Variants in ADAMTS16 observed in about 807,000 individuals in gnomAD.
The protein encoded by ADAMTS16 is ADAM metallopeptidase with thrombospondin type 1 motif 16.
In ADAMTS16, 94 loss-of-function variants were observed where a neutral mutation model predicts 145.8. That is an observed-to-expected ratio of 0.64 (90% CI 0.55 to 0.77). The LOEUF is 0.77. ADAMTS16 is among the 30% of genes least tolerant of loss of function. The pLI is 0.00. For synonymous variants in ADAMTS16, 659 were observed against 604.3 expected (o/e 1.09, Z -1.33); for missense variants, 1,585 against 1,591.5 (o/e 1.00, Z 0.07).
intron 18 of ADAMTS16, among the ~76,000 whole-genome samples, chr5:5,277,423 T>A (rs1738744058): frequency 6.6e-6 from 1 of 152,156 alleles, no homozygotes; most frequent in Non-Finnish European, 1.5e-5. Flanking sequence ...GGGCGCTTGC[T>A]CACCAGGCTG....
At chr5:5,144,281 G>A (rs1270072408) in intron 2 of ADAMTS16, among the ~76,000 whole-genome samples, 3 of 152,074 alleles carry the variant, frequency 2.0e-5, no homozygotes, top group Non-Finnish European at 4.4e-5. Flanking sequence ...TTTACTTATT[G>A]CCCTGTGTTC....
rs530267946 is a variant in ADAMTS16, at chr5:5,161,138, T to C, written c.501+14683T>C. On this transcript the variant is annotated intron_variant, in intron 3 of 22. Transcript: ENST00000274181. ...ATAAAATCAAGAGTTATCTGTTCTA[T>C]CCAACAGACATATGCAACTATGAAG... is the stretch of plus-strand genomic sequence containing the variant. Among the ~76,000 whole-genome samples the C allele has an allele frequency of 3.3e-5, 5 of 152,344 alleles. No homozygotes were observed. The South Asian group carries it at 1.0e-3, about 32-fold the overall frequency.
In ADAMTS16 at chr5:5,239,218, A is replaced by G. The variant is rs376645659; in HGVS notation, c.2222A>G (p.Asn741Ser). Residue 741 changes from asparagine to serine, a missense_variant, in exon 15 of 23, where the codon AAT (asparagine) becomes AGT (serine). Physicochemically the swap from Asn to Ser is conservative, Grantham distance 46. Around this residue, in one of 3 missense-constraint regions of ADAMTS16, gnomAD observed 834 missense variants for 811.7 expected, o/e 1.03. Transcript: ENST00000274181. ...VEDVCGVCNGNNSACTIHRGL... is the reference protein window; with the variant it reads ...VEDVCGVCNGSNSACTIHRGL... ...GACGTCTGTGGGGTGTGTAACGGGAATAACTCAGCCTGCACGATTCACAGG... is the reference window on the plus strand; with the variant it reads ...GACGTCTGTGGGGTGTGTAACGGGAGTAACTCAGCCTGCACGATTCACAGG... 10 of 1,603,716 alleles carry G rather than the reference A, an allele frequency of 6.2e-6. No individual in the cohort carries two copies. The African/African-American group carries it at 8.0e-5, about 13-fold the overall frequency.
At chr5:5,247,012 T>A (rs1737467765) in intron 17 of ADAMTS16, among the ~76,000 whole-genome samples, 2 of 152,178 alleles carry the variant, frequency 1.3e-5, no homozygotes, top group South Asian at 4.1e-4. Context: ...ACGCCTGTCT[T>A]CCTCTGAGTT....
At chr5:5,308,085 C>A (rs1367068115) in intron 21 of ADAMTS16, among the ~76,000 whole-genome samples, 5 of 152,218 alleles carry the variant, frequency 3.3e-5, no homozygotes, top group African/African-American at 9.7e-5. Flanking sequence ...GGTTGCATGA[C>A]CATAACAGGT....
At chr5:5,271,835 C>T (rs1370624315) in intron 18 of ADAMTS16, among the ~76,000 whole-genome samples, 5 of 152,110 alleles carry the variant, frequency 3.3e-5, no homozygotes, top group Admixed American at 2.0e-4. Context: ...TTCTCTGTAG[C>T]CCCGTCTCCA....
At chr5:5,180,801 A>G (rs1012966063) in intron 3 of ADAMTS16, among the ~76,000 whole-genome samples, 1 of 152,194 alleles carries the variant, frequency 6.6e-6, no homozygotes, top group Admixed American at 6.5e-5. Context: ...CCTTGAAAAC[A>G]TTACTGAATC....
chr5:5,192,008 C>T (rs1332096726), intron 8 of ADAMTS16, among the ~76,000 whole-genome samples: 3 of 152,106 alleles, frequency 2.0e-5, no homozygotes, highest in East Asian at 1.9e-4. Flanking sequence ...TATTTTGAGA[C>T]AGGCTCACTC....
At chr5:5,286,172 C>A (rs146951458) in intron 18 of ADAMTS16, among the ~76,000 whole-genome samples, 1 of 152,152 alleles carries the variant, frequency 6.6e-6, no homozygotes, top group Non-Finnish European at 1.5e-5. Flanking sequence ...TTCTCTACCC[C>A]CAACTCATTG....
chr5:5,190,813 C>T (rs1357185277), intron 7 of ADAMTS16, among the ~76,000 whole-genome samples: 1 of 152,032 alleles, frequency 6.6e-6, no homozygotes, highest in Non-Finnish European at 1.5e-5. Context: ...CTTAGACAGC[C>T]CTCCTCACCC....
intron 11 of ADAMTS16, among the ~76,000 whole-genome samples, chr5:5,227,698 A>G (rs1736810650): frequency 6.6e-6 from 1 of 152,170 alleles, no homozygotes. Flanking sequence ...AGATGTAAAA[A>G]CCAAAGTTAC....
chr5:5,201,077 C>G (rs1015860289), intron 9 of ADAMTS16, among the ~76,000 whole-genome samples: 2 of 152,214 alleles, frequency 1.3e-5, no homozygotes, highest in Non-Finnish European at 2.9e-5. Context: ...TGGAAAGTCT[C>G]TGCTCCACAC....
chr5:5,252,251 A>G lies in ADAMTS16; in HGVS notation c.2662+10060A>G, dbSNP rs57795213. The stretch of plus-strand genomic sequence containing the variant: ...CTTCTCTCCAAACACATCCTGTGCA[A>G]AGGACACTCACCAGTCCTTGGCTTG... On this transcript the variant is annotated intron_variant, in intron 17 of 22. Transcript: ENST00000274181. 7.5e-3 allele frequency among the ~76,000 whole-genome samples: 1,135 copies of G among 152,304 alleles called. 12 individuals carry two copies. The highest frequency in any genetic ancestry group is 0.025 in the African/African-American group (1,043 of 41,568).
rs796760704 is a variant in ADAMTS16 at position 5,173,497 on chromosome 5, G to A, written c.502-8547G>A. Among the ~76,000 whole-genome samples the A allele has an allele frequency of 2.6e-4, 39 of 150,646 alleles. 1 individual carries two copies. Among genetic ancestry groups the A allele is most frequent in the South Asian group, 4.2e-4 (2 of 4,744 alleles). On this transcript the variant is annotated intron_variant, in intron 3 of 22. Coordinates refer to ENST00000274181, the MANE Select transcript of ADAMTS16 (RefSeq NM_139056.4). ...TACTTTTTTTTTTTATTTTTGAGAC[G>A]GAGTCTCACTCTGTCCCCCAGGCTC...
intron 17 of ADAMTS16, among the ~76,000 whole-genome samples, chr5:5,260,834 A>G (rs756278763): frequency 1.2e-4 from 19 of 152,232 alleles, no homozygotes; most frequent in Admixed American, 5.2e-4. Flanking sequence ...TCCTTAAGTC[A>G]GGAAGGGTTT....
chr5:5,209,350 A>C, intron 10 of ADAMTS16, 104 bp downstream of exon 10: 1 of 1,381,800 alleles, frequency 7.2e-7, no homozygotes. Context: ...TACCTACCAA[A>C]TGTCAAATCC....
chr5:5,153,066 A>G (rs944771925), intron 3 of ADAMTS16, among the ~76,000 whole-genome samples: 1 of 152,246 alleles, frequency 6.6e-6, no homozygotes, highest in African/African-American at 2.4e-5. Flanking sequence ...ACTTCCCTTA[A>G]TCATGGAGCT....
At chr5:5,164,134 C>T (rs1734805288) in intron 3 of ADAMTS16, among the ~76,000 whole-genome samples, 1 of 152,214 alleles carries the variant, frequency 6.6e-6, no homozygotes, top group Non-Finnish European at 1.5e-5. Flanking sequence ...CCATAGGTAA[C>T]CTTCAACCTA....
At chr5:5,168,919 G>A (rs1734972246) in intron 3 of ADAMTS16, among the ~76,000 whole-genome samples, 1 of 151,092 alleles carries the variant, frequency 6.6e-6, no homozygotes, top group Admixed American at 6.6e-5. Flanking sequence ...ATCTGGGATA[G>A]CCCCTGAGCC....
Sources: gnomAD v4.1 joint callset for allele counts (sites outside exome capture counted in the v4.1 genomes callset) on GRCh38, gnomAD v4.1.1 for gene constraint, gnomAD v4.1.1 regional missense constraint, MANE v1.5 for transcripts, NCBI Gene and HGNC (gene_info 2026-07-23, HGNC 2026-07-21) for gene names.